The following FLVCR2 variants were observed in gnomAD, a reference collection of about 807,000 sequenced individuals.
The protein encoded by FLVCR2 is choline/ethanolamine transporter FLVCR2.
Under a neutral mutation model 48.9 loss-of-function variants are expected in FLVCR2, and 38 were observed. That is an observed-to-expected ratio of 0.78 (90% confidence interval 0.60 to 1.02). FLVCR2 has a LOEUF of 1.02. FLVCR2 is among the 50% of genes least tolerant of loss of function. FLVCR2 has a pLI of 0.00. For missense variants in FLVCR2, 664 were observed against 663.3 expected, an observed-to-expected ratio of 1.00 and a Z score of -0.01; for synonymous variants, 255 against 257.0, an observed-to-expected ratio of 0.99 and a Z score of 0.07.
At chr14:75,643,011 G>A (rs1037349013) in intron 9 of FLVCR2, among the ~76,000 whole-genome samples, 3 of 152,124 alleles carry the variant, frequency 2.0e-5, no homozygotes, top group East Asian at 1.9e-4. Context: ...GCAGGTGCAC[G>A]CCACTATGCC....
In FLVCR2 at chr14:75,646,903, T is replaced by A. The variant is rs1424987307; in HGVS notation, c.*431T>A. 6 of 271,418 alleles carry A rather than the reference T, an allele frequency of 2.2e-5. No homozygotes were observed. The highest frequency in any genetic ancestry group is 1.3e-4 in the African/African-American group (6 of 45,754). The allele number at this position is 271,418 out of a possible 1,614,324, so 16.8% of individuals were successfully genotyped here. A position where few individuals can be genotyped will look rare whatever the true frequency, so the allele number is the denominator to read the frequency against. ...AGCCTCTCATGAAGCCCAGTTCTAATAAGTGGCAAGCTGCTCTGCCGGGGT... is the reference window on the plus strand; with the variant it reads ...AGCCTCTCATGAAGCCCAGTTCTAAAAAGTGGCAAGCTGCTCTGCCGGGGT... On this transcript the variant is annotated 3_prime_UTR_variant, in exon 10 of 10. Coordinates refer to ENST00000238667, the MANE Select transcript of FLVCR2 (RefSeq NM_017791.3).
intron 4 of FLVCR2, among the ~76,000 whole-genome samples, chr14:75,634,339 A>G (rs2140048490): frequency 6.6e-6 from 1 of 152,292 alleles, no homozygotes; most frequent in Middle Eastern, 3.4e-3. Context: ...TTGGGCTAGT[A>G]GGTTAATTTC....
chr14:75,592,983 A>G (rs539669991), intron 1 of FLVCR2, among the ~76,000 whole-genome samples: 1 of 152,304 alleles, frequency 6.6e-6, no homozygotes, highest in East Asian at 1.9e-4. Flanking sequence ...AATAAACGCT[A>G]CTTTCCTTCA....
intron 1 of FLVCR2, among the ~76,000 whole-genome samples, chr14:75,589,059 T>TTA (rs1555375151): frequency 4.6e-5 from 7 of 150,770 alleles, no homozygotes; most frequent in Admixed American, 3.3e-4. Flanking sequence ...TTTTTTTTTT[T>TTA]AAAAAAAGAA....
intron 1 of FLVCR2, among the ~76,000 whole-genome samples, chr14:75,613,849 C>A (rs1889531858): frequency 6.6e-6 from 1 of 152,232 alleles, no homozygotes; most frequent in African/African-American, 2.4e-5. Flanking sequence ...CCACACCCAG[C>A]CTCAACATGA....
At chr14:75,629,975 G>T (rs1889999016) in intron 3 of FLVCR2, among the ~76,000 whole-genome samples, 1 of 152,182 alleles carries the variant, frequency 6.6e-6, no homozygotes, top group South Asian at 2.1e-4. Context: ...TCCTGGCTGA[G>T]GAGTGGGCAT....
chr14:75,593,627 C>G (rs535350461), intron 1 of FLVCR2, among the ~76,000 whole-genome samples: 1 of 152,286 alleles, frequency 6.6e-6, no homozygotes, highest in African/African-American at 2.4e-5. Context: ...AGCCTCACCT[C>G]CCAACACCAC....
At chr14:75,588,639 C>T (rs1243256738) in intron 1 of FLVCR2, among the ~76,000 whole-genome samples, 1 of 152,168 alleles carries the variant, frequency 6.6e-6, no homozygotes, top group African/African-American at 2.4e-5. Context: ...TCACCATGCC[C>T]AGAAAATTTT....
chr14:75,646,288 T>G (rs1225579608), intron 9 of FLVCR2, 113 bp from the exon 10 acceptor site: 1 of 738,584 alleles, frequency 1.4e-6, no homozygotes, highest in Non-Finnish European at 2.4e-6. Context: ...GGATGCTGAG[T>G]GGCCCCCGGC....
At chr14:75,605,460 A>G (rs1057322652) in intron 1 of FLVCR2, 10 of 1,499,636 alleles carry the variant, frequency 6.7e-6, no homozygotes, top group African/African-American at 1.4e-5. Context: ...GCCCAGCCAG[A>G]CACTTCTGCT....
chr14:75,622,361 T>G, intron 2 of FLVCR2, 141 bp downstream of exon 2: 1 of 900,678 alleles, frequency 1.1e-6, no homozygotes, highest in East Asian at 2.4e-5. Flanking sequence ...CTTATGGTCT[T>G]CAAATGTTTT....
chr14:75,622,107 C>T lies in FLVCR2; in HGVS notation c.698C>T (p.Pro233Leu). ...QLGIAIGFLV[P>L]PVLVPNIEDR... is the part of the protein sequence containing the mutation. ...GGAATTGCGATTGGGTTCTTGGTCC[C>T]TCCTGTTTTGGTACCCAACATTGAA... Residue 233 changes from proline (P) to leucine (L), a missense_variant, in exon 2 of 10, where the codon CCT (proline) becomes CTT (leucine). Physicochemically the swap from Pro to Leu is moderately conservative, Grantham distance 98. Coordinates refer to ENST00000238667, the MANE Select transcript of FLVCR2 (RefSeq NM_017791.3). The T allele has an allele frequency of 6.2e-7, 1 of 1,614,162 alleles. No individual in the cohort carries two copies. Among genetic ancestry groups the T allele is most frequent in the South Asian group, 1.1e-5 (1 of 91,084 alleles).
chr14:75,600,690 C>A (rs1889142551), intron 1 of FLVCR2, among the ~76,000 whole-genome samples: 1 of 151,892 alleles, frequency 6.6e-6, no homozygotes, highest in Non-Finnish European at 1.5e-5. Context: ...GGGTCAGATA[C>A]CAAAAGCAGA....
intron 5 of FLVCR2, among the ~76,000 whole-genome samples, chr14:75,637,660 C>T (rs1399857530): frequency 4.8e-5 from 7 of 147,338 alleles, no homozygotes; most frequent in Middle Eastern, 3.4e-3. Flanking sequence ...ACCTGGGAGG[C>T]GGAGCTTGCA....
intron 3 of FLVCR2, among the ~76,000 whole-genome samples, chr14:75,628,135 A>G (rs1889953473): frequency 6.6e-6 from 1 of 152,042 alleles, no homozygotes; most frequent in South Asian, 2.1e-4. Context: ...TTTTTTTTTA[A>G]ACAGAGTCTT....
intron 3 of FLVCR2, among the ~76,000 whole-genome samples, chr14:75,633,188 C>G (rs905809744): frequency 6.6e-6 from 1 of 152,130 alleles, no homozygotes; most frequent in African/African-American, 2.4e-5. Context: ...GGAGAGAAAT[C>G]ACCTGCAGAG....
chr14:75,638,534 A>T lies in FLVCR2; in HGVS notation c.1125-818A>T, dbSNP rs147323574. On this transcript the variant is annotated intron_variant, in intron 5 of 9. Transcript: ENST00000238667. Reference sequence around the variant, plus strand: ...AGGAAGAACTTGTAGGTGACAGAGCACATTGCCCAGCATTGTCATGGGTCT... The same window carrying T: ...AGGAAGAACTTGTAGGTGACAGAGCTCATTGCCCAGCATTGTCATGGGTCT... 2.2e-4 allele frequency among the ~76,000 whole-genome samples: 34 copies of T among 152,348 alleles called. No individual in the cohort carries two copies. The East Asian group carries it at 6.4e-3, about 29-fold the overall frequency.
intron 1 of FLVCR2, chr14:75,595,958 C>A (rs1889008648): frequency 4.0e-6 from 6 of 1,512,936 alleles, no homozygotes; most frequent in Admixed American, 1.7e-5. Context: ...GTTCATTTTT[C>A]TTTGCATAAT....
chr14:75,619,852 T>C (rs1001620023), intron 1 of FLVCR2, among the ~76,000 whole-genome samples: 2 of 152,128 alleles, frequency 1.3e-5, no homozygotes, highest in Non-Finnish European at 2.9e-5. Context: ...GGTGTATAGA[T>C]GGAATGAACA....
Sources: allele counts gnomAD v4.1 joint callset (sites outside exome capture counted in the v4.1 genomes callset), GRCh38; gene constraint gnomAD v4.1.1; transcripts MANE v1.5; gene names NCBI Gene and HGNC (gene_info 2026-07-23, HGNC 2026-07-21).